Variants in STIL observed in about 807,000 individuals in gnomAD.
STIL encodes STIL centriolar assembly protein.
STIL carries 55 observed loss-of-function variants against 110.1 expected under a neutral mutation model. That is an observed-to-expected ratio of 0.50 (90% confidence interval 0.40 to 0.63). The LOEUF is 0.63. STIL is among the 20% of genes least tolerant of loss of function. STIL has a pLI of 0.00. For synonymous variants in STIL, 481 were observed against 530.0 expected (o/e 0.91, Z 1.27); for missense variants, 1,358 against 1,530.0 (o/e 0.89, Z 1.87).
intron 9 of STIL, among the ~76,000 whole-genome samples, chr1:47,288,527 C>T (rs1422878049): frequency 6.6e-6 from 1 of 151,868 alleles, no homozygotes; most frequent in African/African-American, 2.4e-5. Flanking sequence ...AAACTCCTGA[C>T]CTCAGGTGAT....
rs13374382 is a variant in STIL at position 47,262,275 on chromosome 1, C to T, written c.2829+628G>A. Among the ~76,000 whole-genome samples, 6 of 152,184 alleles carry T rather than the reference C, an allele frequency of 3.9e-5. 1 individual carries two copies. The highest frequency in any genetic ancestry group is 1.2e-4 in the African/African-American group (5 of 41,512). ...TGTTCTACAATTTGGATGAAAGTGA[C>T]AGTCAGGGTTTCTCTATCCTTTAAG... On this transcript the variant is annotated intron_variant, in intron 15 of 16. Coordinates refer to ENST00000371877, the MANE Select transcript of STIL (RefSeq NM_001048166.1).
chr1:47,280,878 T>C lies in STIL; in HGVS notation c.1580A>G (p.His527Arg), dbSNP rs576262458. 6.2e-7 allele frequency: 1 copy of C among 1,613,832 alleles called. No homozygotes were observed. The highest frequency in any genetic ancestry group is 1.3e-5 in the African/African-American group (1 of 75,052). The change falls in exon 12 of 17, where the codon CAT (histidine) becomes CGT (arginine). Residue 527 changes from histidine (H) to arginine (R), a missense_variant. Coordinates refer to ENST00000371877, the MANE Select transcript of STIL (RefSeq NM_001048166.1). ...AAATATATCATGAGATGGCCCATTA[T>C]GAGAAGATGGTTTAATACTGTTCCT... ...HTRNSIKPSS[H>R]NGPSHDIFEK...
chr1:47,270,596 A>G (rs2148859264), intron 13 of STIL, among the ~76,000 whole-genome samples: 1 of 151,114 alleles, frequency 6.6e-6, no homozygotes, highest in East Asian at 1.9e-4. Context: ...AAAAGACTAC[A>G]TTGGTGATGC....
chr1:47,314,402 G>A (rs1646227673), upstream of STIL, among the ~76,000 whole-genome samples: 1 of 152,216 alleles, frequency 6.6e-6, no homozygotes, highest in Admixed American at 6.5e-5. Flanking sequence ...TTTCGTCAAC[G>A]GTTAAGTTCC....
At chr1:47,253,388 A>G (rs991730873) in intron 16 of STIL, among the ~76,000 whole-genome samples, 2 of 152,224 alleles carry the variant, frequency 1.3e-5, no homozygotes, top group Admixed American at 6.5e-5. Flanking sequence ...ATGAAAGCCA[A>G]TAAGGACAGA....
intron 1 of STIL, chr1:47,312,872 AATC>A (rs1443152713): frequency 6.6e-6 from 1 of 152,236 alleles, no homozygotes; most frequent in East Asian, 1.9e-4. Context: ...GAAACGTTCA[AATC>A]ATCCTCACCC....
chr1:47,255,538 G>A (rs1182377695), intron 16 of STIL, among the ~76,000 whole-genome samples: 2 of 117,548 alleles, frequency 1.7e-5, no homozygotes, highest in East Asian at 2.6e-4. Flanking sequence ...AACAGAGCGA[G>A]ACCCTGTCTC....
rs1040416346 is a variant in STIL at position 47,307,494 on chromosome 1, T to C, written c.45-2498A>G. Among the ~76,000 whole-genome samples the C allele has an allele frequency of 6.6e-5, 10 of 152,290 alleles. No individual in the cohort carries two copies. The East Asian group carries it at 1.9e-3, about 29-fold the overall frequency. ...ATTGTAAAGATTTCATGGACACTTA[T>C]CACTTCCCCAATCAATACCCTTGTG... On this transcript the variant is annotated intron_variant, in intron 2 of 16. Transcript: ENST00000371877.
At chr1:47,279,511 G>C (rs1570147362) in intron 12 of STIL, among the ~76,000 whole-genome samples, 1 of 151,778 alleles carries the variant, frequency 6.6e-6, no homozygotes, top group South Asian at 2.1e-4. Context: ...ATATAATTAA[G>C]ACAAAGAACT....
chr1:47,295,578 C>CA (rs1241829145), intron 7 of STIL, among the ~76,000 whole-genome samples, 187 bp downstream of exon 7: 1 of 150,808 alleles, frequency 6.6e-6, no homozygotes, highest in Non-Finnish European at 1.5e-5. Context: ...GACTCCATCT[C>CA]AAAAAAAAGA....
chr1:47,313,723 G>A (rs1646207452), intron 1 of STIL, among the ~76,000 whole-genome samples: 1 of 152,196 alleles, frequency 6.6e-6, no homozygotes, highest in South Asian at 2.1e-4. Context: ...CTACGTAGCA[G>A]AGTGTGAGCC....
At chr1:47,258,096 C>T (rs893625452) in intron 16 of STIL, among the ~76,000 whole-genome samples, 6 of 152,182 alleles carry the variant, frequency 3.9e-5, no homozygotes, top group African/African-American at 9.7e-5. Context: ...TGCAAAAGAT[C>T]ATCACAGCAA....
chr1:47,290,501 C>T (rs377473352), intron 8 of STIL, among the ~76,000 whole-genome samples: 1 of 151,930 alleles, frequency 6.6e-6, no homozygotes, highest in Non-Finnish European at 1.5e-5. Flanking sequence ...GCCAGGAGAT[C>T]GAGACCATCC....
chr1:47,278,563 C>G (rs1415302233), intron 12 of STIL, among the ~76,000 whole-genome samples: 1 of 151,970 alleles, frequency 6.6e-6, no homozygotes, highest in African/African-American at 2.4e-5. Context: ...TCTAATTAGT[C>G]TTCTTTAGAA....
rs1645807262 is a variant in STIL, at chr1:47,301,620, C to T, written c.394G>A (p.Glu132Lys). The change falls in exon 5 of 17, where the codon GAA (glutamate) becomes AAA (lysine). Residue 132 changes from glutamate (E) to lysine (K), a missense_variant. Transcript: ENST00000371877. ...FLIPCKVHTQ[E>K]LCSREMIVHS... ...ACTATCATTTCTCTTGAACAAAGTT[C>T]TTGAGTATGAACTTTGCATGGAATC... 1.9e-6 allele frequency: 3 copies of T among 1,613,966 alleles called. No individual in the cohort carries two copies. The East Asian group carries it at 6.7e-5, about 36-fold the overall frequency.
rs534411265 is a variant in STIL, at chr1:47,308,753, T to A, written c.44+1523A>T. ...ATAACAACTTAAAAGTAATAAATAATAACATTTAAAAATAATTAGGCTGGG... is the reference window on the plus strand; with the variant it reads ...ATAACAACTTAAAAGTAATAAATAAAAACATTTAAAAATAATTAGGCTGGG... On this transcript the variant is annotated intron_variant, in intron 2 of 16. Coordinates refer to ENST00000371877, the MANE Select transcript of STIL (RefSeq NM_001048166.1). 2.0e-5 allele frequency among the ~76,000 whole-genome samples: 3 copies of A among 152,004 alleles called. No individual in the cohort carries two copies. The East Asian group carries it at 5.8e-4, about 29-fold the overall frequency.
intron 14 of STIL, among the ~76,000 whole-genome samples, chr1:47,265,237 C>CCAAA (rs746932116): frequency 5.8e-5 from 3 of 51,656 alleles, no homozygotes; most frequent in African/African-American, 1.4e-4. Context: ...CTCCATCTCC[C>CCAAA]AAAAAAAAAA....
At position 47,304,930 on chromosome 1, in the gene STIL, C is replaced by T. The variant is rs777971224; in HGVS notation, c.111G>A (p.Thr37=). Residue 37 remains threonine (T), a synonymous_variant, in exon 3 of 17, where the codon ACG becomes ACA. Coordinates refer to ENST00000371877, the MANE Select transcript of STIL (RefSeq NM_001048166.1). Reference sequence around the variant, plus strand: ...GTAAGTAGATGAAATCTCCAGTTGGCGTTGGGTTCCAAAGTGCACATTTTG... The same window carrying T: ...GTAAGTAGATGAAATCTCCAGTTGGTGTTGGGTTCCAAAGTGCACATTTTG... ...PPSKCALWNP[T]PTGDFIYLHL... The T allele has an allele frequency of 3.7e-6, 6 of 1,613,730 alleles. No individual in the cohort carries two copies. Among genetic ancestry groups the T allele is most frequent in the Admixed American group, 1.7e-5 (1 of 59,974 alleles).
intron 11 of STIL, among the ~76,000 whole-genome samples, chr1:47,282,090 T>C (rs1175576505): frequency 6.6e-6 from 1 of 152,118 alleles, no homozygotes; most frequent in East Asian, 1.9e-4. Flanking sequence ...TGTCTCAGTT[T>C]ACTCTAGGAA....
Sources: allele counts gnomAD v4.1 joint callset (sites outside exome capture counted in the v4.1 genomes callset), GRCh38; gene constraint gnomAD v4.1.1; transcripts MANE v1.5; gene names NCBI Gene and HGNC (gene_info 2026-07-23, HGNC 2026-07-21).